The following SARNP variants were observed in gnomAD, a reference collection of about 807,000 sequenced individuals.
SARNP encodes the protein SAP domain-containing ribonucleoprotein.
A neutral mutation model predicts 38.1 loss-of-function variants in SARNP; 5 were observed. That is an observed-to-expected ratio of 0.13 (90% CI 0.07 to 0.28). SARNP has a LOEUF of 0.28. Among genes scored for constraint, SARNP ranks in the 10% least tolerant of loss-of-function variants. SARNP has a pLI of 1.00. For missense variants in SARNP, 180 were observed against 243.9 expected, an observed-to-expected ratio of 0.74 and a Z score of 1.75; for synonymous variants, 84 against 80.6, an observed-to-expected ratio of 1.04 and a Z score of -0.23.
At chr12:55,777,761 T>C (rs1879225307) in intron 9 of SARNP, among the ~76,000 whole-genome samples, 1 of 152,146 alleles carries the variant, frequency 6.6e-6, no homozygotes, top group Non-Finnish European at 1.5e-5. Context: ...AAAAAGTATG[T>C]GTTGGAGGAT....
chr12:55,815,049 A>AT (rs1256036658), intron 1 of SARNP, among the ~76,000 whole-genome samples: 2 of 151,760 alleles, frequency 1.3e-5, no homozygotes, highest in East Asian at 3.9e-4. Flanking sequence ...CAATGGAGAG[A>AT]TTTTTTTATT....
chr12:55,812,973 G>C (rs780668879), intron 1 of SARNP, among the ~76,000 whole-genome samples: 89 of 151,984 alleles, frequency 5.9e-4, no homozygotes, highest in Middle Eastern at 3.4e-3. Context: ...TTGAGACGGA[G>C]TCTCACTCTG....
At chr12:55,791,707 AAGAAAAAAAG>A (rs994103945) in intron 7 of SARNP, among the ~76,000 whole-genome samples, 11 of 152,260 alleles carry the variant, frequency 7.2e-5, no homozygotes, top group African/African-American at 2.4e-4. Flanking sequence ...AAAAGAAAAA[AAGAAAAAAAG>A]AGAAAAAAAG....
chr12:55,811,220 G>T (rs1880318630), intron 1 of SARNP, among the ~76,000 whole-genome samples: 1 of 152,094 alleles, frequency 6.6e-6, no homozygotes, highest in South Asian at 2.1e-4. Context: ...TAAGTGGTTG[G>T]TATTACAATT....
intron 1 of SARNP, among the ~76,000 whole-genome samples, chr12:55,812,819 G>A (rs141643718): frequency 2.6e-5 from 4 of 152,314 alleles, no homozygotes; most frequent in Non-Finnish European, 5.9e-5. Flanking sequence ...TCGTTATTGA[G>A]CACCTACTGT....
At chr12:55,756,779 C>T (rs1161594901), downstream of SARNP, 1 of 152,218 alleles carries the variant, frequency 6.6e-6, no homozygotes, top group African/African-American at 2.4e-5. Context: ...AAAATTTCTT[C>T]TGTCTCTGAG....
At chr12:55,768,282 C>G (rs910929431) in intron 9 of SARNP, among the ~76,000 whole-genome samples, 3 of 151,378 alleles carry the variant, frequency 2.0e-5, no homozygotes, top group African/African-American at 7.3e-5. Flanking sequence ...CCTGCCACCA[C>G]GCCCAGCTAA....
At chr12:55,806,187 T>G (rs554573415) in intron 1 of SARNP, among the ~76,000 whole-genome samples, 2 of 152,246 alleles carry the variant, frequency 1.3e-5, no homozygotes, top group South Asian at 4.1e-4. Flanking sequence ...TAACTTCACC[T>G]CTCTATGCCT....
downstream of SARNP, chr12:55,755,749 A>T (rs1359420941): frequency 6.6e-6 from 1 of 152,094 alleles, no homozygotes; most frequent in Non-Finnish European, 1.5e-5. Context: ...CTTCTGACCA[A>T]CATAGGAACA....
chr12:55,808,465 G>A (rs1383490618), intron 1 of SARNP, among the ~76,000 whole-genome samples: 2 of 152,112 alleles, frequency 1.3e-5, no homozygotes, highest in South Asian at 2.1e-4. Flanking sequence ...ACACACACGC[G>A]CCACCATGCC....
chr12:55,774,028 A>T (rs1565673371), intron 9 of SARNP, among the ~76,000 whole-genome samples: 1 of 149,422 alleles, frequency 6.7e-6, no homozygotes, highest in Non-Finnish European at 1.5e-5. Context: ...TTTGAGACAG[A>T]GTCTCTCGCT....
At chr12:55,813,132 G>A (rs1173178376) in intron 1 of SARNP, among the ~76,000 whole-genome samples, 1 of 152,118 alleles carries the variant, frequency 6.6e-6, no homozygotes, top group Non-Finnish European at 1.5e-5. Context: ...TTTTAGTAGA[G>A]ATGGGGTTTC....
intron 9 of SARNP, among the ~76,000 whole-genome samples, chr12:55,774,575 C>CAAAAAAAAAA (rs1187594580): frequency 2.4e-5 from 1 of 41,214 alleles, no homozygotes; most frequent in African/African-American, 1.3e-4. Context: ...AAAAAAAAAA[C>CAAAAAAAAAA]AAACAAAAAA....
intron 1 of SARNP, among the ~76,000 whole-genome samples, chr12:55,807,216 T>C (rs1054871116): frequency 2.0e-5 from 3 of 152,214 alleles, no homozygotes; most frequent in South Asian, 2.1e-4. Context: ...GACTTGGATA[T>C]AGCAGTGACA....
chr12:55,777,877 G>A (rs1010197607), intron 9 of SARNP, among the ~76,000 whole-genome samples: 1 of 152,202 alleles, frequency 6.6e-6, no homozygotes. Context: ...AGTTAGGAGA[G>A]AGAAAAATTC....
intron 9 of SARNP, among the ~76,000 whole-genome samples, chr12:55,781,196 T>C (rs1181932216): frequency 6.6e-6 from 1 of 152,208 alleles, no homozygotes; most frequent in African/African-American, 2.4e-5. Context: ...AGAAGACTGG[T>C]GGCTATCTGT....
chr12:55,803,613 T>C lies in SARNP; in HGVS notation c.136+16A>G, dbSNP rs754326830. ...ATCCCCTCACTCACATCACTCCGCC[T>C]CCACAAAGTACTCACCATGTTCTTC... On this transcript the variant is annotated intron_variant, in intron 2 of 10. Transcript: ENST00000336133. 1 of 1,516,852 alleles carries C rather than the reference T, an allele frequency of 6.6e-7. No homozygotes were observed. The highest frequency in any genetic ancestry group is 9.1e-7 in the Non-Finnish European group (1 of 1,104,612). The allele number at this position is 1,516,852 out of a possible 1,614,324, so 94.0% of individuals were successfully genotyped here.
Position 55,817,693 on chromosome 12 carries a change from G to A in SARNP, c.9C>T (p.Thr3=). 1.9e-6 allele frequency: 3 copies of A among 1,612,976 alleles called. No individual in the cohort carries two copies. The highest frequency in any genetic ancestry group is 2.2e-5 in the East Asian group (1 of 44,770). The change falls in exon 1 of 11, where the codon ACC becomes ACT. Residue 3 remains threonine, a synonymous_variant. Coordinates refer to ENST00000336133, the MANE Select transcript of SARNP (RefSeq NM_033082.4). The part of the protein sequence containing the change: MA[T]ETVELHKLKL... ...TTAGCTTATGGAGCTCCACCGTCTC[G>A]GTCGCCATCTTGTTACCCCTCACTC... is the stretch of plus-strand genomic sequence containing the variant.
chr12:55,789,787 T>C (rs1490456188), intron 8 of SARNP, among the ~76,000 whole-genome samples: 3 of 151,718 alleles, frequency 2.0e-5, no homozygotes, highest in Non-Finnish European at 1.5e-5. Context: ...CTACTAAAAA[T>C]ACAAAAATTA....
Sources: allele counts gnomAD v4.1 joint callset (sites outside exome capture counted in the v4.1 genomes callset), GRCh38; gene constraint gnomAD v4.1.1; transcripts MANE v1.5; gene names NCBI Gene and HGNC (gene_info 2026-07-23, HGNC 2026-07-21).